Variants in KCNMB2 observed in about 807,000 individuals in gnomAD.
KCNMB2 encodes the protein calcium-activated potassium channel subunit beta-2.
Under a neutral mutation model 24.5 loss-of-function variants are expected in KCNMB2, and 9 were observed. That is an observed-to-expected ratio of 0.37 (90% confidence interval 0.22 to 0.64). The LOEUF is 0.64. Ranked by LOEUF, KCNMB2 falls within the 30% of genes least tolerant of loss-of-function variation. The pLI is 0.63. For synonymous variants in KCNMB2, 109 were observed against 104.4 expected (o/e 1.04, Z -0.27); for missense variants, 226 against 284.3 (o/e 0.79, Z 1.47).
At chr3:178,545,430 C>T (rs563280747) in intron 1 of KCNMB2, among the ~76,000 whole-genome samples, 25 of 152,316 alleles carry the variant, frequency 1.6e-4, no homozygotes, top group African/African-American at 5.3e-4. Flanking sequence ...GACTCCATAA[C>T]TCATCCACAA....
At chr3:178,676,422 G>C (rs13059534) in intron 1 of KCNMB2, among the ~76,000 whole-genome samples, 25,273 of 152,014 alleles carry the variant, frequency 0.17, 2,516 homozygotes, top group Non-Finnish European at 0.23. Context: ...TGTCAGGAGG[G>C]ACCTTCACCA....
intron 1 of KCNMB2, among the ~76,000 whole-genome samples, chr3:178,724,778 A>G (rs1722913030): frequency 6.6e-6 from 1 of 151,650 alleles, no homozygotes; most frequent in Non-Finnish European, 1.5e-5. Flanking sequence ...CCCACTGTTT[A>G]TTTTTGTTAA....
chr3:178,542,528 C>G (rs1715654069), intron 1 of KCNMB2, among the ~76,000 whole-genome samples: 1 of 152,130 alleles, frequency 6.6e-6, no homozygotes, highest in Admixed American at 6.6e-5. Flanking sequence ...GGTCAAAGAG[C>G]TACTATGCTA....
At chr3:178,549,156 C>A (rs995582168) in intron 1 of KCNMB2, among the ~76,000 whole-genome samples, 3 of 151,964 alleles carry the variant, frequency 2.0e-5, no homozygotes, top group Admixed American at 6.6e-5. Context: ...ACAAATATTG[C>A]CCACTGAATA....
At chr3:178,606,412 G>A (rs1227274460) in intron 1 of KCNMB2, among the ~76,000 whole-genome samples, 1 of 151,834 alleles carries the variant, frequency 6.6e-6, no homozygotes, top group East Asian at 1.9e-4. Flanking sequence ...AAGACCTCAT[G>A]AAGTTTCCCT....
At chr3:178,824,370 T>C (rs555846580) in intron 2 of KCNMB2, among the ~76,000 whole-genome samples, 21 of 152,188 alleles carry the variant, frequency 1.4e-4, no homozygotes, top group African/African-American at 5.1e-4. Flanking sequence ...TTGTCACTCA[T>C]TGTCTTTTTT....
intron 1 of KCNMB2, among the ~76,000 whole-genome samples, chr3:178,800,792 A>T (rs892192396): frequency 6.6e-6 from 1 of 152,180 alleles, no homozygotes; most frequent in Non-Finnish European, 1.5e-5. Context: ...CCATCAACAG[A>T]TGAATAGATA....
chr3:178,569,982 T>C (rs1403704516), intron 1 of KCNMB2, among the ~76,000 whole-genome samples: 12 of 152,332 alleles, frequency 7.9e-5, no homozygotes, highest in African/African-American at 2.9e-4. Context: ...TAGTATTCAT[T>C]GCAATATTAT....
At chr3:178,757,942 G>A (rs116016589) in intron 1 of KCNMB2, among the ~76,000 whole-genome samples, 6,017 of 42,882 alleles carry the variant, frequency 0.14, 1,452 homozygotes, top group African/African-American at 0.32. Context: ...TATACACAAG[G>A]GGATATATAG....
rs191975734 is a variant in KCNMB2, at chr3:178,709,049, G to T, written c.-67-98294G>T. Among the ~76,000 whole-genome samples the T allele has an allele frequency of 1.7e-3, 253 of 152,288 alleles. 1 individual carries two copies. Among genetic ancestry groups the T allele is most frequent in the Non-Finnish European group, 2.0e-3 (138 of 68,012 alleles). ...TAGGTTAAAGGAGGAAAAAATAGCA[G>T]TGTACTAGTTCTATTTAGGGGAAGA... On this transcript the variant is annotated intron_variant, in intron 1 of 4. Coordinates refer to ENST00000452583, the MANE Select transcript of KCNMB2 (RefSeq NM_181361.3).
chr3:178,641,308 C>G (rs917141889), intron 1 of KCNMB2, among the ~76,000 whole-genome samples: 2 of 152,050 alleles, frequency 1.3e-5, no homozygotes, highest in Non-Finnish European at 2.9e-5. Flanking sequence ...AATATTAAGT[C>G]TTCTAAATCA....
intron 1 of KCNMB2, among the ~76,000 whole-genome samples, chr3:178,634,538 A>T (rs1229498144): frequency 6.6e-6 from 1 of 152,132 alleles, no homozygotes; most frequent in Non-Finnish European, 1.5e-5. Flanking sequence ...CTATCATGAG[A>T]ACAGCATGGA....
intron 1 of KCNMB2, among the ~76,000 whole-genome samples, chr3:178,643,372 G>A (rs935557455): frequency 7.6e-4 from 115 of 152,086 alleles, no homozygotes; most frequent in Non-Finnish European, 2.8e-4. Flanking sequence ...CTAAACATGT[G>A]ATAAAGTTGT....
chr3:178,818,657 G>A (rs949664432), intron 2 of KCNMB2, among the ~76,000 whole-genome samples: 2 of 151,932 alleles, frequency 1.3e-5, no homozygotes, highest in Non-Finnish European at 2.9e-5. Flanking sequence ...TGAAACACTG[G>A]GAGAGTTTAA....
intron 1 of KCNMB2, among the ~76,000 whole-genome samples, chr3:178,694,069 T>C (rs1189089000): frequency 3.9e-5 from 6 of 152,180 alleles, no homozygotes; most frequent in Non-Finnish European, 8.8e-5. Context: ...GGAAAGAAGT[T>C]TGACTCCCAG....
intron 2 of KCNMB2, among the ~76,000 whole-genome samples, chr3:178,815,000 T>C (rs932465517): frequency 3.3e-5 from 5 of 150,214 alleles, no homozygotes; most frequent in Non-Finnish European, 7.4e-5. Context: ...CAATTTTTGG[T>C]TTTGTTCCAT....
chr3:178,800,185 A>T (rs1184721434), intron 1 of KCNMB2, among the ~76,000 whole-genome samples: 1 of 152,174 alleles, frequency 6.6e-6, no homozygotes. Context: ...ATGGGATCAC[A>T]TCAAGTTAAA....
intron 1 of KCNMB2, among the ~76,000 whole-genome samples, chr3:178,705,652 T>TA (rs1171564812): frequency 1.3e-5 from 2 of 152,126 alleles, no homozygotes; most frequent in East Asian, 1.9e-4. Context: ...GGGAAAAACT[T>TA]AAAAAAAGAA....
chr3:178,799,747 G>T lies in KCNMB2; in HGVS notation c.-67-7596G>T, dbSNP rs571879675. Among the ~76,000 whole-genome samples, 6 of 152,082 alleles carry T rather than the reference G, an allele frequency of 3.9e-5. No homozygotes were observed. In the East Asian group the frequency reaches 1.2e-3, roughly 29 times the overall value. ...CATACTGAGCAAAAAGAGCACAACTGGAGGAATCATATTATCTGACATCAA... is the reference window on the plus strand; with the variant it reads ...CATACTGAGCAAAAAGAGCACAACTTGAGGAATCATATTATCTGACATCAA... On this transcript the variant is annotated intron_variant, in intron 1 of 4. Transcript: ENST00000452583.
Sources: gnomAD v4.1 joint callset for allele counts (sites outside exome capture counted in the v4.1 genomes callset) on GRCh38, gnomAD v4.1.1 for gene constraint, MANE v1.5 for transcripts, NCBI Gene and HGNC (gene_info 2026-07-23, HGNC 2026-07-21) for gene names.